The following PRKD1 variants were observed in gnomAD, a reference collection of about 807,000 sequenced individuals.
The protein encoded by PRKD1 is serine/threonine-protein kinase D1.
PRKD1 carries 63 observed loss-of-function variants against 95.9 expected under a neutral mutation model. The ratio of observed to expected loss-of-function variants is 0.66; its 90% CI spans 0.54 to 0.81. PRKD1 has a LOEUF of 0.81. Among genes scored for constraint, PRKD1 ranks in the 30% least tolerant of loss-of-function variants. PRKD1 has a pLI of 0.00. For missense variants in PRKD1, 1,048 were observed against 1,165.3 expected (o/e 0.90, Z 1.47); for synonymous variants, 425 against 423.1 (o/e 1.00, Z -0.05).
At chr14:29,627,490 A>C (rs901007590) in intron 11 of PRKD1, among the ~76,000 whole-genome samples, 3 of 152,222 alleles carry the variant, frequency 2.0e-5, no homozygotes, top group Non-Finnish European at 4.4e-5. Context: ...CTTTGAAATA[A>C]TAAGTGCTGA....
At chr14:29,599,533 C>A in intron 14 of PRKD1, 123 bp downstream of exon 14, 2 of 905,938 alleles carry the variant, frequency 2.2e-6, no homozygotes, top group Non-Finnish European at 3.3e-6. Flanking sequence ...CCACTACAAC[C>A]TTTTCTAGTG....
At chr14:29,675,531 A>G (rs922361761) in intron 2 of PRKD1, among the ~76,000 whole-genome samples, 3 of 152,154 alleles carry the variant, frequency 2.0e-5, no homozygotes, top group East Asian at 1.9e-4. Flanking sequence ...ACTGTTGGTG[A>G]GACTGTAAAC....
intron 1 of PRKD1, among the ~76,000 whole-genome samples, chr14:29,846,799 TAGA>T (rs963783355): frequency 3.9e-5 from 6 of 151,920 alleles, no homozygotes; most frequent in Non-Finnish European, 8.8e-5. Flanking sequence ...TAAAAATGAG[TAGA>T]AGGAGTCAGA....
chr14:29,918,553 A>G (rs1172957853), intron 1 of PRKD1, among the ~76,000 whole-genome samples: 1 of 152,108 alleles, frequency 6.6e-6, no homozygotes, highest in East Asian at 1.9e-4. Flanking sequence ...CCTTTAATCT[A>G]ATGTTCCACT....
intron 1 of PRKD1, among the ~76,000 whole-genome samples, chr14:29,865,726 A>G (rs1892874603): frequency 6.6e-6 from 1 of 152,230 alleles, no homozygotes; most frequent in Admixed American, 6.5e-5. Flanking sequence ...CTGTTACAGC[A>G]GCATAAAAGG....
intron 2 of PRKD1, among the ~76,000 whole-genome samples, chr14:29,676,183 G>GTTTTTTTTTTTTTTTTTTTTTTT (rs34953735): frequency 5.9e-5 from 4 of 67,446 alleles, no homozygotes; most frequent in African/African-American, 7.2e-5. Context: ...TTACGTTTTT[G>GTTTTTTTTTTTTTTTTTTTTTTT]TTTTTTTTTT....
chr14:29,687,819 G>A (rs1883972372), intron 2 of PRKD1, among the ~76,000 whole-genome samples: 1 of 152,194 alleles, frequency 6.6e-6, no homozygotes, highest in Non-Finnish European at 1.5e-5. Flanking sequence ...ACTGGAATGA[G>A]TAGATGAACA....
chr14:29,920,785 A>C lies in PRKD1; in HGVS notation c.264+6464T>G, dbSNP rs1302004945. On this transcript the variant is annotated intron_variant, in intron 1 of 17. Coordinates refer to ENST00000331968, the MANE Select transcript of PRKD1 (RefSeq NM_002742.3). ...AAAAAGACTTGTGATTGGTTTTGCCAAACTGATAACTCAATTGTTTCCCAG... is the reference window on the plus strand; with the variant it reads ...AAAAAGACTTGTGATTGGTTTTGCCCAACTGATAACTCAATTGTTTCCCAG... 2.0e-5 allele frequency among the ~76,000 whole-genome samples: 3 copies of C among 152,238 alleles called. No individual in the cohort carries two copies. The East Asian group carries it at 5.8e-4, about 29-fold the overall frequency.
At chr14:29,658,758 GC>G (rs1398975245) in intron 4 of PRKD1, among the ~76,000 whole-genome samples, 1 of 152,098 alleles carries the variant, frequency 6.6e-6, no homozygotes, top group Non-Finnish European at 1.5e-5. Flanking sequence ...TGTTTATTAT[GC>G]AAATGAATAC....
At chr14:29,903,409 A>G (rs929321278) in intron 1 of PRKD1, among the ~76,000 whole-genome samples, 2 of 152,216 alleles carry the variant, frequency 1.3e-5, no homozygotes, top group African/African-American at 4.8e-5. Flanking sequence ...TCAATCAATT[A>G]TTCATACAGG....
rs544180266 is a variant in PRKD1 at position 29,644,849 on chromosome 14, CATTT to C, written c.697-5949_697-5946del. On this transcript the variant is annotated intron_variant, in intron 4 of 17. Coordinates refer to ENST00000331968, the MANE Select transcript of PRKD1 (RefSeq NM_002742.3). ...TTTTCATAGCACTTTACATAAATAT[CATTT>C]ATTTATACCTCATGTATAAATAAAC... Among the ~76,000 whole-genome samples, 20 of 151,944 alleles carry C rather than the reference CATTT, an allele frequency of 1.3e-4. No individual in the cohort carries two copies. In the South Asian group the frequency reaches 2.7e-3, roughly 21 times the overall value.
intron 1 of PRKD1, among the ~76,000 whole-genome samples, chr14:29,845,770 C>A (rs1892055837): frequency 6.6e-6 from 1 of 152,078 alleles, no homozygotes; most frequent in African/African-American, 2.4e-5. Context: ...CAGCAAAAAC[C>A]TCTATCTGGT....
At chr14:29,834,595 CATA>C (rs1035883118) in intron 1 of PRKD1, among the ~76,000 whole-genome samples, 26 of 152,024 alleles carry the variant, frequency 1.7e-4, no homozygotes, top group South Asian at 8.3e-4. Context: ...CTATAATAAA[CATA>C]ATAATAATTT....
intron 2 of PRKD1, among the ~76,000 whole-genome samples, chr14:29,674,624 G>C (rs1883048972): frequency 6.6e-6 from 1 of 152,148 alleles, no homozygotes; most frequent in Non-Finnish European, 1.5e-5. Context: ...TGAATAGAGG[G>C]AAAGAAAGGT....
chr14:29,694,389 T>G (rs1358574343), intron 2 of PRKD1, among the ~76,000 whole-genome samples: 1 of 152,348 alleles, frequency 6.6e-6, no homozygotes, highest in South Asian at 2.1e-4. Context: ...AAGACTTTGC[T>G]TAATAGCAGC....
At chr14:29,764,819 A>T (rs557612514) in intron 1 of PRKD1, among the ~76,000 whole-genome samples, 1 of 152,374 alleles carries the variant, frequency 6.6e-6, no homozygotes, top group East Asian at 1.9e-4. Context: ...GCCAATTCTG[A>T]CAAATTTCAA....
intron 1 of PRKD1, among the ~76,000 whole-genome samples, chr14:29,815,087 G>T (rs1442844448): frequency 2.6e-5 from 4 of 152,038 alleles, no homozygotes; most frequent in Non-Finnish European, 5.9e-5. Flanking sequence ...CTATTTGAGA[G>T]GTTTCTCACT....
chr14:29,854,889 G>A lies in PRKD1; in HGVS notation c.264+72360C>T, dbSNP rs182022689. On this transcript the variant is annotated intron_variant, in intron 1 of 17. Coordinates refer to ENST00000331968, the MANE Select transcript of PRKD1 (RefSeq NM_002742.3). ...GGGAGCTTGGGCCGTGGCTTCAGAG[G>A]GTTGAAGCCCCAAGTCTTGGCAGCT... Among the ~76,000 whole-genome samples the A allele has an allele frequency of 1.7e-3, 266 of 152,322 alleles. 2 individuals are homozygous for A. Among genetic ancestry groups the A allele is most frequent in the African/African-American group, 6.1e-3 (254 of 41,570 alleles).
chr14:29,767,466 C>T lies in PRKD1; in HGVS notation c.265-41792G>A, dbSNP rs73259544. 3.9e-3 allele frequency among the ~76,000 whole-genome samples: 594 copies of T among 152,288 alleles called. 5 individuals carry two copies. Among genetic ancestry groups the T allele is most frequent in the African/African-American group, 0.013 (548 of 41,564 alleles). On this transcript the variant is annotated intron_variant, in intron 1 of 17. Transcript: ENST00000331968. ...GAGCCATGCAAAACATCTCTAATCT[C>T]TCCACCTCATGCTGGTCTCTCATAT... is the stretch of plus-strand genomic sequence containing the variant.
Sources: allele counts gnomAD v4.1 joint callset (sites outside exome capture counted in the v4.1 genomes callset), GRCh38; gene constraint gnomAD v4.1.1; transcripts MANE v1.5; gene names NCBI Gene and HGNC (gene_info 2026-07-23, HGNC 2026-07-21).